The following PBX3 variants were observed in gnomAD, a reference collection of about 807,000 sequenced individuals.
PBX3 encodes pre-B-cell leukemia transcription factor 3.
A neutral mutation model predicts 48.5 loss-of-function variants in PBX3; 14 were observed. The ratio of observed to expected loss-of-function variants is 0.29; its 90% CI spans 0.19 to 0.45. PBX3 has a LOEUF of 0.45. Ranked by LOEUF, PBX3 falls within the 20% of genes least tolerant of loss-of-function variation. PBX3 has a pLI of 1.00. For synonymous variants in PBX3, 210 were observed against 200.3 expected (o/e 1.05, Z -0.41); for missense variants, 386 against 546.7 (o/e 0.71, Z 2.93).
intron 2 of PBX3, among the ~76,000 whole-genome samples, chr9:125,906,379 A>G (rs1841071736): frequency 6.6e-6 from 1 of 152,044 alleles, no homozygotes; most frequent in Non-Finnish European, 1.5e-5. Flanking sequence ...CAAAAACAAT[A>G]AAATGGACAT....
chr9:125,917,561 T>C (rs1841361507), intron 3 of PBX3, among the ~76,000 whole-genome samples: 1 of 152,118 alleles, frequency 6.6e-6, no homozygotes, highest in Admixed American at 6.5e-5. Context: ...TCCTTCCCAC[T>C]GATCCCTGGC....
At position 125,803,091 on chromosome 9, in the gene PBX3, C is replaced by CTTTT. The variant is rs59714151; in HGVS notation, c.274+54485_274+54488dup. ...TTTCAGTGATTTTTCCCACTAATGTCTTTTTTTTTTTTTTTTTTTTGAGTC... is the reference window on the plus strand; with the variant it reads ...TTTCAGTGATTTTTCCCACTAATGTCTTTTTTTTTTTTTTTTTTTTTTTTGAGTC... On this transcript the variant is annotated intron_variant, in intron 2 of 8. Transcript: ENST00000373489. 2.8e-4 allele frequency among the ~76,000 whole-genome samples: 31 copies of CTTTT among 108,900 alleles called. 2 individuals are homozygous for CTTTT. The highest frequency in any genetic ancestry group is 7.9e-4 in the African/African-American group (22 of 27,712). The allele number at this position is 108,900 out of a possible 152,430, so 71.4% of individuals were successfully genotyped here.
intron 2 of PBX3, among the ~76,000 whole-genome samples, chr9:125,779,470 A>G (rs1247997251): frequency 1.6e-5 from 2 of 128,978 alleles, no homozygotes; most frequent in South Asian, 5.5e-4. Flanking sequence ...CTTAACGAGC[A>G]TGCTGCCTTT....
At chr9:125,822,392 A>G (rs894386989) in intron 2 of PBX3, among the ~76,000 whole-genome samples, 10 of 152,166 alleles carry the variant, frequency 6.6e-5, no homozygotes, top group Non-Finnish European at 1.3e-4. Flanking sequence ...TTCCTCTTGT[A>G]CACAAGATCT....
intron 2 of PBX3, among the ~76,000 whole-genome samples, chr9:125,814,552 A>G (rs1404505916): frequency 2.6e-5 from 4 of 152,208 alleles, no homozygotes; most frequent in Non-Finnish European, 5.9e-5. Context: ...AGATAGATGC[A>G]ATTCTAACTA....
chr9:125,852,827 G>C (rs1178356961), intron 2 of PBX3, among the ~76,000 whole-genome samples: 8 of 152,048 alleles, frequency 5.3e-5, no homozygotes, highest in Admixed American at 3.9e-4. Flanking sequence ...AGTTAGTAGT[G>C]ACTGCATGAT....
intron 2 of PBX3, among the ~76,000 whole-genome samples, chr9:125,802,680 T>C (rs1032968557): frequency 2.2e-4 from 33 of 151,068 alleles, no homozygotes; most frequent in Non-Finnish European, 1.2e-4. Flanking sequence ...ATACATTTTT[T>C]TTTTGTTTGT....
chr9:125,863,255 G>A (rs1004541760), intron 2 of PBX3, among the ~76,000 whole-genome samples: 1 of 149,094 alleles, frequency 6.7e-6, no homozygotes, highest in South Asian at 2.1e-4. Flanking sequence ...CCAAGCTGGA[G>A]TGCAGTGGTG....
chr9:125,802,359 A>ATTTTT lies in PBX3; in HGVS notation c.274+53757_274+53761dup, dbSNP rs57805307. Among the ~76,000 whole-genome samples the ATTTTT allele has an allele frequency of 6.5e-4, 44 of 67,746 alleles. 4 individuals are homozygous for ATTTTT. The highest frequency in any genetic ancestry group is 1.7e-3 in the South Asian group (2 of 1,156). 44.4% of individuals were successfully genotyped at this position (67,746 alleles called of 152,430 possible). A position where few individuals can be genotyped will look rare whatever the true frequency, so the allele number is the denominator to read the frequency against. On this transcript the variant is annotated intron_variant, in intron 2 of 8. Transcript: ENST00000373489. The stretch of plus-strand genomic sequence containing the variant: ...CTTCTACTTGTGAGAACATTAGTGC[A>ATTTTT]TTTTTTTTTTTTTTTTTTTTTTTTT...
chr9:125,927,024 CA>C (rs1413242771), intron 3 of PBX3, among the ~76,000 whole-genome samples: 1 of 152,174 alleles, frequency 6.6e-6, no homozygotes, highest in African/African-American at 2.4e-5. Context: ...ACAAAAGCTT[CA>C]CAGATTCTCT....
chr9:125,909,366 C>T (rs1413424589), intron 2 of PBX3, among the ~76,000 whole-genome samples: 1 of 152,144 alleles, frequency 6.6e-6, no homozygotes, highest in Non-Finnish European at 1.5e-5. Context: ...TCTTTTCCCA[C>T]AGAATGAACA....
chr9:125,827,683 T>G (rs774867145), intron 2 of PBX3, among the ~76,000 whole-genome samples: 1 of 152,184 alleles, frequency 6.6e-6, no homozygotes, highest in Non-Finnish European at 1.5e-5. Context: ...TTTTACCTGC[T>G]TTGTAGTATT....
intron 1 of PBX3, chr9:125,748,298 T>G: frequency 9.0e-7 from 1 of 1,108,884 alleles, no homozygotes; most frequent in Non-Finnish European, 1.1e-6. Context: ...CGGGTTCGCG[T>G]CGCGTCTGCA....
rs189647587 is a variant in PBX3, at chr9:125,829,860, G to A, written c.274+81237G>A. Reference sequence around the variant, plus strand: ...GATGCCTGGCCAAGCATCCCTTACCGACATCTGGAACCAGTTGCAATACAT... The same window carrying A: ...GATGCCTGGCCAAGCATCCCTTACCAACATCTGGAACCAGTTGCAATACAT... On this transcript the variant is annotated intron_variant, in intron 2 of 8. Transcript: ENST00000373489. Among the ~76,000 whole-genome samples, 28 of 152,258 alleles carry A rather than the reference G, an allele frequency of 1.8e-4. No homozygotes were observed. In the East Asian group the frequency reaches 3.7e-3, roughly 20 times the overall value.
At position 125,928,392 on chromosome 9, in the gene PBX3, A is replaced by ATGTGTG. The variant is rs112869741; in HGVS notation, c.517-1237_517-1232dup. On this transcript the variant is annotated intron_variant, in intron 3 of 8. Transcript: ENST00000373489. Reference sequence around the variant, plus strand: ...AGACTCTGAATATTAGGGGAAACAAATGTGTGTGTGTGTGTGTGTGTGTGT... The same window carrying ATGTGTG: ...AGACTCTGAATATTAGGGGAAACAAATGTGTGTGTGTGTGTGTGTGTGTGTGTGTGT... 9.2e-4 allele frequency among the ~76,000 whole-genome samples: 129 copies of ATGTGTG among 140,284 alleles called. 1 individual carries two copies. The East Asian group carries it at 0.011, about 12-fold the overall frequency. The allele number at this position is 140,284 out of a possible 152,430, so 92.0% of individuals were successfully genotyped here. A position where few individuals can be genotyped will look rare whatever the true frequency, so the allele number is the denominator to read the frequency against.
At chr9:125,926,212 A>G (rs1841571620) in intron 3 of PBX3, among the ~76,000 whole-genome samples, 1 of 152,234 alleles carries the variant, frequency 6.6e-6, no homozygotes. Context: ...TTAATTTGGC[A>G]TAAAATCATT....
intron 2 of PBX3, among the ~76,000 whole-genome samples, chr9:125,755,200 T>C (rs1938247164): frequency 6.6e-6 from 1 of 152,068 alleles, no homozygotes; most frequent in African/African-American, 2.4e-5. Flanking sequence ...AATTTTAAAA[T>C]CCCATAAAAT....
At chr9:125,782,868 AAT>A (rs1242619027) in intron 2 of PBX3, among the ~76,000 whole-genome samples, 1 of 152,112 alleles carries the variant, frequency 6.6e-6, no homozygotes, top group African/African-American at 2.4e-5. Flanking sequence ...CAGCACTTTA[AAT>A]ATGTTGTCCC....
intron 8 of PBX3, among the ~76,000 whole-genome samples, chr9:125,964,512 C>CTTTT (rs3051317): frequency 8.2e-5 from 12 of 146,664 alleles, no homozygotes; most frequent in African/African-American, 2.5e-4. Context: ...ACCACCATAG[C>CTTTT]TTTTTTTTTT....
Sources: gnomAD v4.1 joint callset for allele counts (sites outside exome capture counted in the v4.1 genomes callset) on GRCh38, gnomAD v4.1.1 for gene constraint, MANE v1.5 for transcripts, NCBI Gene and HGNC (gene_info 2026-07-23, HGNC 2026-07-21) for gene names.